Variants in OPCML observed in about 807,000 individuals in gnomAD.
The protein encoded by OPCML is opioid binding protein/cell adhesion molecule like.
OPCML carries 13 observed loss-of-function variants against 37.8 expected under a neutral mutation model. The ratio of observed to expected loss-of-function variants is 0.34; its 90% CI spans 0.22 to 0.55. The LOEUF (loss-of-function observed/expected upper bound fraction) is 0.55, where lower values mean the gene tolerates loss of function less well. Among genes scored for constraint, OPCML ranks in the 20% least tolerant of loss-of-function variants. OPCML has a pLI of 0.91. For synonymous variants in OPCML, 176 were observed against 168.8 expected, an observed-to-expected ratio of 1.04 and a Z score of -0.33; for missense variants, 341 against 435.6, an observed-to-expected ratio of 0.78 and a Z score of 1.93.
intron 1 of OPCML, among the ~76,000 whole-genome samples, chr11:133,088,359 T>C (rs893403049): frequency 6.6e-6 from 1 of 152,202 alleles, no homozygotes; most frequent in Admixed American, 6.5e-5. Context: ...AAGCCACCAT[T>C]AACTCTTTCA....
intron 1 of OPCML, among the ~76,000 whole-genome samples, chr11:133,049,855 G>A (rs574976104): frequency 3.3e-5 from 5 of 152,278 alleles, no homozygotes; most frequent in South Asian, 2.1e-4. Flanking sequence ...CTGGGCTGCC[G>A]GGGAGACCCC....
intron 1 of OPCML, chr11:133,007,541 G>A (rs188712191): frequency 1.0e-6 from 1 of 985,242 alleles, no homozygotes; most frequent in African/African-American, 1.7e-5. Flanking sequence ...GTGGGGAACT[G>A]AGCATTCAAA....
intron 1 of OPCML, among the ~76,000 whole-genome samples, chr11:133,311,221 T>C (rs1943060764): frequency 6.6e-6 from 1 of 152,252 alleles, no homozygotes; most frequent in Non-Finnish European, 1.5e-5. Context: ...TAATTCATTA[T>C]CTTCATGTTT....
At chr11:133,140,714 C>A (rs1005442644) in intron 1 of OPCML, among the ~76,000 whole-genome samples, 2 of 21,690 alleles carry the variant, frequency 9.2e-5, no homozygotes, top group South Asian at 1.8e-3. Flanking sequence ...AGACGGAAGA[C>A]GAAGACGGAA....
intron 1 of OPCML, among the ~76,000 whole-genome samples, chr11:133,107,936 C>A (rs1949186488): frequency 6.6e-6 from 1 of 152,134 alleles, no homozygotes; most frequent in East Asian, 1.9e-4. Flanking sequence ...TAGCTGAGAC[C>A]ACAGATGGTG....
intron 2 of OPCML, among the ~76,000 whole-genome samples, chr11:132,681,977 A>T (rs1448644249): frequency 6.6e-6 from 1 of 151,792 alleles, no homozygotes; most frequent in African/African-American, 2.4e-5. Flanking sequence ...AGTCACACTG[A>T]TGCCCCACTG....
At chr11:133,095,277 GTTTTTTTTTTTTT>G (rs60154725) in intron 1 of OPCML, among the ~76,000 whole-genome samples, 3 of 44,202 alleles carry the variant, frequency 6.8e-5, no homozygotes, top group Non-Finnish European at 1.2e-4. Flanking sequence ...TAATGTAAAT[GTTTTTTTTTTTTT>G]TTTTTTTTTT....
At chr11:132,940,777 G>C (rs1217579182) in intron 2 of OPCML, among the ~76,000 whole-genome samples, 2 of 151,746 alleles carry the variant, frequency 1.3e-5, no homozygotes, top group Non-Finnish European at 2.9e-5. Flanking sequence ...AAAAATCAAG[G>C]AATAAGAAGA....
At chr11:132,987,331 G>A (rs1438361857) in intron 1 of OPCML, among the ~76,000 whole-genome samples, 2 of 152,142 alleles carry the variant, frequency 1.3e-5, no homozygotes, top group East Asian at 1.9e-4. Context: ...TGGAGCCTAG[G>A]GGAGAAGCTT....
At chr11:132,588,966 C>T (rs946241409) in intron 3 of OPCML, among the ~76,000 whole-genome samples, 12 of 152,172 alleles carry the variant, frequency 7.9e-5, no homozygotes, top group Non-Finnish European at 1.6e-4. Flanking sequence ...CAATGCAACA[C>T]TGAGAAATAA....
chr11:132,857,937 G>C (rs1942127294), intron 2 of OPCML, among the ~76,000 whole-genome samples: 1 of 152,060 alleles, frequency 6.6e-6, no homozygotes, highest in African/African-American at 2.4e-5. Flanking sequence ...TGTTACCCTG[G>C]GGAGACAGGT....
Position 132,895,803 on chromosome 11 carries a change from AC to A in OPCML, c.146+47122del, listed in dbSNP as rs551922137. On this transcript the variant is annotated intron_variant, in intron 2 of 7. Coordinates refer to ENST00000524381, the MANE Select transcript of OPCML (RefSeq NM_001012393.5). ...ACAATGCTGAGTCTCCTCAGAATCC[AC>A]CCCCCCTGCCCCTCTTTGCTTCTGG... is the stretch of plus-strand genomic sequence containing the variant. Among the ~76,000 whole-genome samples the A allele has an allele frequency of 9.9e-5, 15 of 151,332 alleles. No individual in the cohort carries two copies. The South Asian group carries it at 1.7e-3, about 17-fold the overall frequency.
At chr11:133,333,683 T>C (rs1050172796) in intron 1 of OPCML, among the ~76,000 whole-genome samples, 5 of 152,124 alleles carry the variant, frequency 3.3e-5, no homozygotes, top group Non-Finnish European at 5.9e-5. Context: ...CGAAAGAAAC[T>C]ATCAACAGAG....
chr11:132,740,057 T>A (rs1361653086), intron 2 of OPCML, among the ~76,000 whole-genome samples: 1 of 152,176 alleles, frequency 6.6e-6, no homozygotes, highest in African/African-American at 2.4e-5. Flanking sequence ...ATCTAACCTG[T>A]CACTTCTAAA....
intron 1 of OPCML, among the ~76,000 whole-genome samples, chr11:133,229,934 C>G (rs532896786): frequency 6.6e-6 from 1 of 152,290 alleles, no homozygotes; most frequent in Non-Finnish European, 1.5e-5. Flanking sequence ...CATTTGTTGT[C>G]TAATAAGCTC....
intron 1 of OPCML, chr11:133,006,930 A>T (rs2136864194): frequency 1.0e-6 from 1 of 985,424 alleles, no homozygotes; most frequent in African/African-American, 1.7e-5. Context: ...CTTGTGGCAT[A>T]AGCAGGAGGC....
rs930950170 is a variant in OPCML, at chr11:133,177,173, C to T, written c.62-234163G>A. Among the ~76,000 whole-genome samples, 1 of 152,178 alleles carries T rather than the reference C, an allele frequency of 6.6e-6. No individual in the cohort carries two copies. Among genetic ancestry groups the T allele is most frequent in the Non-Finnish European group, 1.5e-5 (1 of 68,046 alleles). The stretch of plus-strand genomic sequence containing the variant: ...ATTAATATTTATTCATATTTGAGAG[C>T]ACATCTGTGAAGGGCTCAGGGCACA... On this transcript the variant is annotated intron_variant, in intron 1 of 7. Coordinates refer to ENST00000524381, the MANE Select transcript of OPCML (RefSeq NM_001012393.5). The surrounding 1 kb of genome is among the most constrained non-coding windows in gnomAD (Gnocchi z 5.0).
At chr11:133,354,481 A>G (rs897231758) in intron 1 of OPCML, among the ~76,000 whole-genome samples, 1 of 152,152 alleles carries the variant, frequency 6.6e-6, no homozygotes, top group Non-Finnish European at 1.5e-5. Context: ...ACAGAGGCAG[A>G]GAGAAATTCT....
chr11:133,238,892 CAA>C (rs1259765029), intron 1 of OPCML, among the ~76,000 whole-genome samples: 1 of 152,236 alleles, frequency 6.6e-6, no homozygotes, highest in East Asian at 1.9e-4. Flanking sequence ...CTGGAGATTT[CAA>C]AGTCCCTACC....
Sources: gnomAD v4.1 joint callset for allele counts (sites outside exome capture counted in the v4.1 genomes callset) on GRCh38, gnomAD v4.1.1 for gene constraint, Gnocchi (gnomAD v3.1) non-coding constraint, MANE v1.5 for transcripts, NCBI Gene and HGNC (gene_info 2026-07-23, HGNC 2026-07-21) for gene names.